Variants in BARD1 observed in about 807,000 individuals in gnomAD.
BARD1 encodes the protein BRCA1 associated RING domain 1, also known as BRCA1-associated RING domain protein 1.
In BARD1, 73 loss-of-function variants were observed where a neutral mutation model predicts 77.0. The ratio of observed to expected loss-of-function variants is 0.95; its 90% CI spans 0.79 to 1.15. The LOEUF is 1.15. Ranked by LOEUF, BARD1 falls within the 50% of genes most tolerant of loss-of-function variation. The probability of loss-of-function intolerance (pLI) is 0.00; values close to 1 mark genes in which losing one functional copy is unlikely to be tolerated. For synonymous variants in BARD1, 384 were observed against 338.0 expected (o/e 1.14, Z -1.49); for missense variants, 993 against 938.8 (o/e 1.06, Z -0.75).
At chr2:214,751,149 A>T (rs377719120) in intron 7 of BARD1, among the ~76,000 whole-genome samples, 2,626 of 18,222 alleles carry the variant, frequency 0.14, 771 homozygotes, top group East Asian at 0.25. Flanking sequence ...ATATATATAT[A>T]TATTTTTTTT....
At position 214,796,948 on chromosome 2, in the gene BARD1, C is replaced by A. The variant is rs1428637137; in HGVS notation, c.215+113G>T. The A allele has an allele frequency of 5.7e-6, 5 of 875,804 alleles. No individual in the cohort carries two copies. In the African/African-American group the frequency reaches 6.6e-5, roughly 12 times the overall value. 54.3% of individuals were successfully genotyped at this position (875,804 alleles called of 1,614,324 possible). On this transcript the variant is annotated intron_variant, in intron 2 of 10. Coordinates refer to ENST00000260947, the MANE Select transcript of BARD1 (RefSeq NM_000465.4). ...AGATAATGTACAATAGGTTACTTTGCAGACTTTGAAAGTTACACAAACATC... is the reference window on the plus strand; with the variant it reads ...AGATAATGTACAATAGGTTACTTTGAAGACTTTGAAAGTTACACAAACATC...
chr2:214,789,842 G>A lies in BARD1; in HGVS notation c.364+2455C>T, dbSNP rs564537408. On this transcript the variant is annotated intron_variant, in intron 3 of 10. Transcript: ENST00000260947. ...TTCAACTCAGTTTAATATAAGTAACGTTGAGGGCGCAGTGCTTAAGTCTGG... is the reference window on the plus strand; with the variant it reads ...TTCAACTCAGTTTAATATAAGTAACATTGAGGGCGCAGTGCTTAAGTCTGG... 6.6e-5 allele frequency among the ~76,000 whole-genome samples: 10 copies of A among 152,090 alleles called. No individual in the cohort carries two copies. In the South Asian group the frequency reaches 8.3e-4, roughly 13 times the overall value.
rs1008740529 is a variant in BARD1 at position 214,728,428 on chromosome 2, G to A, written c.*248C>T. On this transcript the variant is annotated 3_prime_UTR_variant, in exon 11 of 11. Transcript: ENST00000260947. ...TCTTTGATACCCAATAATCTGAATA[G>A]AAAGACATGATAAATCAAAAACATG... is the stretch of plus-strand genomic sequence containing the variant. 3 of 509,788 alleles carry A rather than the reference G, an allele frequency of 5.9e-6. No homozygotes were observed. The highest frequency in any genetic ancestry group is 5.8e-5 in the African/African-American group (3 of 51,968). The allele number at this position is 509,788 out of a possible 1,614,324, so 31.6% of individuals were successfully genotyped here. A position where few individuals can be genotyped will look rare whatever the true frequency, so the allele number is the denominator to read the frequency against.
intron 4 of BARD1, among the ~76,000 whole-genome samples, chr2:214,779,572 T>A (rs1694884168): frequency 6.6e-6 from 1 of 152,170 alleles, no homozygotes; most frequent in South Asian, 2.1e-4. Flanking sequence ...CAGTTTATGC[T>A]ATTCCCTTTC....
Position 214,801,387 on chromosome 2 carries a change from A to T in BARD1, c.159-4270T>A, listed in dbSNP as rs182409203. On this transcript the variant is annotated intron_variant, in intron 1 of 10. Transcript: ENST00000260947. Reference sequence around the variant, plus strand: ...AGAAACTGATAATTATAAGTTACTGAAGAAGATTCACACTTATCTGTCGTT... The same window carrying T: ...AGAAACTGATAATTATAAGTTACTGTAGAAGATTCACACTTATCTGTCGTT... 1.8e-3 allele frequency among the ~76,000 whole-genome samples: 272 copies of T among 152,348 alleles called. 1 individual carries two copies. The highest frequency in any genetic ancestry group is 6.0e-3 in the African/African-American group (250 of 41,580).
At chr2:214,760,193 A>ACAT (rs1218269853) in intron 6 of BARD1, among the ~76,000 whole-genome samples, 1 of 152,148 alleles carries the variant, frequency 6.6e-6, no homozygotes, top group Non-Finnish European at 1.5e-5. Flanking sequence ...CATTCATGAT[A>ACAT]CATTATTATT....
At chr2:214,792,082 G>A (rs923053685) in intron 3 of BARD1, among the ~76,000 whole-genome samples, 1 of 151,574 alleles carries the variant, frequency 6.6e-6, no homozygotes, top group Admixed American at 6.6e-5. Context: ...AGGCTGAGGT[G>A]GGGGGAATCC....
intron 9 of BARD1, among the ~76,000 whole-genome samples, chr2:214,743,316 A>G (rs1692934178): frequency 6.6e-6 from 1 of 152,220 alleles, no homozygotes. Context: ...CTACCATAAA[A>G]CCTTCAAAGC....
chr2:214,763,763 G>C (rs1694067672), intron 6 of BARD1, among the ~76,000 whole-genome samples: 1 of 152,158 alleles, frequency 6.6e-6, no homozygotes. Context: ...CAGAATTTGA[G>C]ATGTTAATGG....
At chr2:214,752,603 C>T (rs768340724) in intron 6 of BARD1, 48 bp from the exon 7 acceptor site, 22 of 1,392,712 alleles carry the variant, frequency 1.6e-5, no homozygotes, top group South Asian at 4.6e-5. Context: ...ATGTGTGACT[C>T]GACTCAATTT....
At chr2:214,792,116 G>A (rs146727280) in intron 3 of BARD1, among the ~76,000 whole-genome samples, 181 bp downstream of exon 3, 12 of 149,858 alleles carry the variant, frequency 8.0e-5, no homozygotes, top group African/African-American at 1.2e-4. Flanking sequence ...GTTCAAGTCC[G>A]GCTTGGACAA....
chr2:214,792,831 A>T (rs1167954264), intron 2 of BARD1, among the ~76,000 whole-genome samples: 1 of 152,122 alleles, frequency 6.6e-6, no homozygotes, highest in Admixed American at 6.6e-5. Context: ...ACTGGGAAAG[A>T]CCTTCTGTTT....
At chr2:214,766,524 T>C (rs57776610) in intron 6 of BARD1, among the ~76,000 whole-genome samples, 3,733 of 152,262 alleles carry the variant, frequency 0.025, 152 homozygotes, top group African/African-American at 0.085. Context: ...GCTTCCAAAA[T>C]TGACAACTGT....
chr2:214,731,496 G>T (rs1692354856), intron 9 of BARD1, among the ~76,000 whole-genome samples: 1 of 152,290 alleles, frequency 6.6e-6, no homozygotes, highest in African/African-American at 2.4e-5. Flanking sequence ...AACTAAATTT[G>T]AGATTTGCAG....
rs749166978 is a variant in BARD1 at position 214,809,389 on chromosome 2, C to A, written c.158+23G>T. 12 of 1,611,626 alleles carry A rather than the reference C, an allele frequency of 7.4e-6. No individual in the cohort carries two copies. The East Asian group carries it at 2.7e-4, about 36-fold the overall frequency. On this transcript the variant is annotated intron_variant, in intron 1 of 10. Coordinates refer to ENST00000260947, the MANE Select transcript of BARD1 (RefSeq NM_000465.4). ...TGTGCGACCCGTGCCCTCGCAGCCA[C>A]CCCCAAGAAGCTCCGTCTTTACCAA...
chr2:214,797,928 A>T (rs77829139), intron 1 of BARD1, among the ~76,000 whole-genome samples: 8,612 of 152,154 alleles, frequency 0.057, 454 homozygotes, highest in African/African-American at 0.14. Context: ...GTTAATCCTA[A>T]CAAAGTAATG....
rs2106021114 is a variant in BARD1, at chr2:214,745,802, AGCCCACT to A, written c.1723_1729del (p.Ser575CysfsTer14). On this transcript the variant is annotated frameshift_variant, in exon 8 of 11. Transcript: ENST00000260947. LOFTEE classifies it high-confidence loss of function. ...GAGCATTTTCTGTTGTTCTGAAGAC[AGCCCACT>A]GCCTATAAGTACAAGAGGTCCATCC... 1 of 1,614,038 alleles carries A rather than the reference AGCCCACT, an allele frequency of 6.2e-7. No homozygotes were observed. The highest frequency in any genetic ancestry group is 8.5e-7 in the Non-Finnish European group (1 of 1,179,950).
At chr2:214,788,846 A>C (rs1376469595) in intron 3 of BARD1, among the ~76,000 whole-genome samples, 1 of 152,124 alleles carries the variant, frequency 6.6e-6, no homozygotes, top group African/African-American at 2.4e-5. Flanking sequence ...TTTTAGTTCT[A>C]GAAGTACTTA....
intron 5 of BARD1, among the ~76,000 whole-genome samples, chr2:214,767,930 AAACCAACGGTAGCTCCTTAAATGT>A (rs1559410556): frequency 6.6e-6 from 1 of 151,962 alleles, no homozygotes; most frequent in Non-Finnish European, 1.5e-5. Flanking sequence ...ATGTAGTTTT[AAACCAACGGTAGCTCCTTAAATGT>A]TCTACAATAA....
Sources: allele counts gnomAD v4.1 joint callset (sites outside exome capture counted in the v4.1 genomes callset), GRCh38; gene constraint gnomAD v4.1.1; transcripts MANE v1.5; gene names NCBI Gene and HGNC (gene_info 2026-07-23, HGNC 2026-07-21).